KRT4: variants seen among roughly 807,000 people sequenced by gnomAD.
KRT4 encodes the protein keratin 4, also known as keratin, type II cytoskeletal 4.
Under a neutral mutation model 50.6 loss-of-function variants are expected in KRT4, and 47 were observed. The observed-to-expected ratio is 0.93, with a 90% confidence interval of 0.73 to 1.18. The LOEUF (loss-of-function observed/expected upper bound fraction) is 1.18. Ranked by LOEUF, KRT4 falls within the 50% of genes most tolerant of loss-of-function variation. The pLI, the probability that KRT4 is intolerant of heterozygous loss-of-function variation, is 0.00. For missense variants in KRT4, 651 were observed against 645.7 expected (o/e 1.01, Z -0.09); for synonymous variants, 254 against 251.2 (o/e 1.01, Z -0.10).
intron 3 of KRT4, 37 bp downstream of exon 3, chr12:52,810,719 A>T (rs754302967): frequency 6.3e-7 from 1 of 1,576,848 alleles, no homozygotes; most frequent in Non-Finnish European, 8.7e-7. Flanking sequence ...GGGAAGGGGC[A>T]CCCTGAAGGC....
At chr12:52,812,035 A>G in intron 1 of KRT4, 58 bp from the exon 2 acceptor site, 1 of 1,406,482 alleles carries the variant, frequency 7.1e-7, no homozygotes, top group East Asian at 2.4e-5. Context: ...CAGGAGGGCC[A>G]GCCAAGGCAA....
In KRT4 at chr12:52,811,970, A is replaced by AACTGCACCTGTGTTGATATAAGC; in HGVS notation, c.469_470insGCTTATATCAACACAGGTGCAGT (p.Phe157CysfsTer10). 31 of 1,613,168 alleles carry AACTGCACCTGTGTTGATATAAGC rather than the reference A, an allele frequency of 1.9e-5. No homozygotes were observed. The highest frequency in any genetic ancestry group is 2.4e-5 in the Non-Finnish European group (28 of 1,179,710). On this transcript the variant is annotated frameshift_variant, in exon 2 of 9. Coordinates refer to ENST00000551956, the MANE Select transcript of KRT4 (RefSeq NM_002272.4). LOFTEE classifies it high-confidence loss of function. ...CAGGACCTTATTCTGTTGCTCTAAG[A>AACTGCACCTGTGTTGATATAAGC]ACTGCACCTGTGTTGATAAAGGCAC... is the stretch of plus-strand genomic sequence containing the variant.
rs768833251 is a variant in KRT4 at position 52,811,991 on chromosome 12, G to A, written c.463-14C>T. On this transcript the variant is annotated splice_polypyrimidine_tract_variant and intron_variant, in intron 1 of 8. Coordinates refer to ENST00000551956, the MANE Select transcript of KRT4 (RefSeq NM_002272.4). ...TAAGAACTGCACCTGTGTTGATAAA[G>A]GCACCAGCCAAGTGATGAGGGCCTG... is the stretch of plus-strand genomic sequence containing the variant. The A allele has an allele frequency of 6.2e-7, 1 of 1,605,052 alleles. No homozygotes were observed. The highest frequency in any genetic ancestry group is 1.1e-5 in the South Asian group (1 of 90,454).
intron 3 of KRT4, among the ~76,000 whole-genome samples, chr12:52,810,237 T>C (rs1287169193): frequency 2.0e-5 from 3 of 152,232 alleles, no homozygotes; most frequent in African/African-American, 7.2e-5. Flanking sequence ...ATTACACTTG[T>C]ACCCCATGAA....
intron 3 of KRT4, 78 bp downstream of exon 3, chr12:52,810,678 C>A: frequency 8.3e-7 from 1 of 1,200,566 alleles, no homozygotes; most frequent in Non-Finnish European, 1.2e-6. Flanking sequence ...ATGGACCAAA[C>A]CCATGACTTC....
At chr12:52,811,048 T>C (rs1320383884) in intron 2 of KRT4, 1 of 527,062 alleles carries the variant, frequency 1.9e-6, no homozygotes, top group African/African-American at 1.9e-5. Flanking sequence ...TTAAAGAGAC[T>C]GTTTTCGATA....
rs569185822 is a variant in KRT4 at position 52,807,306 on chromosome 12, T to C, written c.1381+53A>G. The C allele has an allele frequency of 9.9e-6, 16 of 1,613,232 alleles. No homozygotes were observed. In the East Asian group the frequency reaches 3.6e-4, roughly 36 times the overall value. ...TCCAATGCTGCCAGCACCCCAGGGG[T>C]CTGGCAAGACCCGGGTGAATGAACA... On this transcript the variant is annotated intron_variant, in intron 8 of 8. Coordinates refer to ENST00000551956, the MANE Select transcript of KRT4 (RefSeq NM_002272.4).
intron 2 of KRT4, among the ~76,000 whole-genome samples, chr12:52,811,155 A>G (rs1180285390): frequency 6.6e-6 from 1 of 151,932 alleles, no homozygotes; most frequent in East Asian, 1.9e-4. Flanking sequence ...TCATCAGCAC[A>G]CTCCATTTCC....
At chr12:52,811,541 C>T in intron 2 of KRT4, 1 of 567,398 alleles carries the variant, frequency 1.8e-6, no homozygotes, top group South Asian at 2.0e-5. Flanking sequence ...TATGGCAGAC[C>T]CAAATCCCTG....
Position 52,808,276 on chromosome 12 carries a change from G to A in KRT4, c.1125+18C>T, listed in dbSNP as rs754717722. ...GGCCCCTGGCCTTGTGCTCCATCTGGAAGGGAGTGACACCCACCTGCTTCT... is the reference window on the plus strand; with the variant it reads ...GGCCCCTGGCCTTGTGCTCCATCTGAAAGGGAGTGACACCCACCTGCTTCT... On this transcript the variant is annotated intron_variant, in intron 6 of 8. Coordinates refer to ENST00000551956, the MANE Select transcript of KRT4 (RefSeq NM_002272.4). 4.3e-6 allele frequency: 7 copies of A among 1,614,032 alleles called. No homozygotes were observed. In the South Asian group the frequency reaches 7.7e-5, roughly 18 times the overall value.
intron 4 of KRT4, 45 bp from the exon 5 acceptor site, chr12:52,808,895 A>G (rs1592309829): frequency 6.2e-7 from 1 of 1,605,956 alleles, no homozygotes. Flanking sequence ...GAAAGCCTTC[A>G]CTGACCTGAT....
Position 52,807,174 on chromosome 12 carries a change from A to G in KRT4, c.1458T>C (p.Ser486=), listed in dbSNP as rs778411727. The part of the protein sequence containing the change: ...LGSGSGFGLS[S]GFGSGSGSGF... ...CACTTCCAGAGCCGGAGCCAAAGCCACTACTCAGGCCAAACCCGGAGCCAC... is the reference window on the plus strand; with the variant it reads ...CACTTCCAGAGCCGGAGCCAAAGCCGCTACTCAGGCCAAACCCGGAGCCAC... Residue 486 remains serine, a synonymous_variant, in exon 9 of 9, where the codon AGT becomes AGC. Coordinates refer to ENST00000551956, the MANE Select transcript of KRT4 (RefSeq NM_002272.4). 5.9e-5 allele frequency: 96 copies of G among 1,614,104 alleles called. No individual in the cohort carries two copies. The East Asian group carries it at 7.6e-4, about 13-fold the overall frequency.
chr12:52,814,042 T>G lies in KRT4; in HGVS notation c.17A>C (p.Gln6Pro), dbSNP rs1939965235. 6.2e-7 allele frequency: 1 copy of G among 1,613,616 alleles called. No homozygotes were observed. The highest frequency in any genetic ancestry group is 1.3e-5 in the African/African-American group (1 of 74,898). ...GCCCCGGGGCCCGCCTCGGACACAC[T>G]GCTGTCTGGCAATCATGGCTGCAGA... is the stretch of plus-strand genomic sequence containing the variant. Reference protein sequence around the residue: MIARQQCVRGGPRGFS... With the variant: MIARQPCVRGGPRGFS... Residue 6 changes from glutamine to proline, a missense_variant, in exon 1 of 9, where the codon CAG (glutamine) becomes CCG (proline). Physicochemically the swap from Gln to Pro is moderately conservative, Grantham distance 76 (BLOSUM62 -1). Coordinates refer to ENST00000551956, the MANE Select transcript of KRT4 (RefSeq NM_002272.4).
chr12:52,810,485 T>C lies in KRT4; in HGVS notation c.738+271A>G, dbSNP rs143888379. On this transcript the variant is annotated intron_variant, in intron 3 of 8. Coordinates refer to ENST00000551956, the MANE Select transcript of KRT4 (RefSeq NM_002272.4). ...TCGCTTGAACCCAGTAGGTGGAGCT[T>C]GCAGTGACCCAAGATCGCGCCATTG... is the stretch of plus-strand genomic sequence containing the variant. 2.4e-4 allele frequency among the ~76,000 whole-genome samples: 36 copies of C among 152,106 alleles called. 3 individuals are homozygous for C. The South Asian group carries it at 6.8e-3, about 29-fold the overall frequency.
chr12:52,811,501 T>C (rs1939909230), intron 2 of KRT4: 1 of 488,880 alleles, frequency 2.0e-6, no homozygotes, highest in Non-Finnish European at 3.7e-6. Flanking sequence ...ATACTGCTTT[T>C]CATCTATTTG....
chr12:52,808,394 T>A lies in KRT4; in HGVS notation c.1025A>T (p.Asp342Val). 1 of 1,614,000 alleles carries A rather than the reference T, an allele frequency of 6.2e-7. No individual in the cohort carries two copies. The highest frequency in any genetic ancestry group is 8.5e-7 in the Non-Finnish European group (1 of 1,180,014). ...GTTCTTCAGGTTGTCACCATGTTGG[T>A]CAACCGAGATCTGGAGCTGCTGGAC... is the stretch of plus-strand genomic sequence containing the variant. ...TKVQQLQISV[D>V]QHGDNLKNTK... The change falls in exon 6 of 9, where the codon GAC becomes GTC. Residue 342 changes from aspartate to valine, a missense_variant. Coordinates refer to ENST00000551956, the MANE Select transcript of KRT4 (RefSeq NM_002272.4).
intron 1 of KRT4, 144 bp from the exon 2 acceptor site, chr12:52,812,121 G>A (rs1392396988): frequency 2.8e-6 from 2 of 705,582 alleles, no homozygotes; most frequent in South Asian, 1.5e-5. Flanking sequence ...GCATCTCCAG[G>A]GCACCATTCA....
intron 1 of KRT4, among the ~76,000 whole-genome samples, chr12:52,812,416 T>C (rs2121254939): frequency 6.6e-6 from 1 of 152,372 alleles, no homozygotes; most frequent in Non-Finnish European, 1.5e-5. Flanking sequence ...TACTTATCAA[T>C]GGATCTGGCG....
chr12:52,813,367 C>A (rs1939944419), intron 1 of KRT4, among the ~76,000 whole-genome samples: 1 of 152,194 alleles, frequency 6.6e-6, no homozygotes, highest in Non-Finnish European at 1.5e-5. Context: ...TATCCCACAG[C>A]CTGTCTAGGG....
Sources: allele counts gnomAD v4.1 joint callset (sites outside exome capture counted in the v4.1 genomes callset), GRCh38; gene constraint gnomAD v4.1.1; transcripts MANE v1.5; gene names NCBI Gene and HGNC (gene_info 2026-07-23, HGNC 2026-07-21).